Variants in NUP214 observed in about 807,000 individuals in gnomAD.
NUP214 encodes the protein nucleoporin 214.
In NUP214, 79 loss-of-function variants were observed where a neutral mutation model predicts 196.2. That is an observed-to-expected ratio of 0.40 (90% CI 0.34 to 0.49). The LOEUF is 0.49. Among genes scored for constraint, NUP214 ranks in the 20% least tolerant of loss-of-function variants. NUP214 has a pLI of 0.58. For synonymous variants in NUP214, 1,020 were observed against 990.5 expected (o/e 1.03, Z -0.56); for missense variants, 2,468 against 2,539.0 (o/e 0.97, Z 0.60).
In NUP214 at chr9:131,174,201, C is replaced by A; in HGVS notation, c.3040C>A (p.Arg1014=). 18 of 1,613,946 alleles carry A rather than the reference C, an allele frequency of 1.1e-5. No homozygotes were observed. Among genetic ancestry groups the A allele is most frequent in the Admixed American group, 1.7e-5 (1 of 59,946 alleles). Residue 1014 remains arginine, a synonymous_variant, in exon 22 of 36, where the codon CGG becomes AGG. Coordinates refer to ENST00000359428, the MANE Select transcript of NUP214 (RefSeq NM_005085.4). ...TGACGAGGCAGTGGTTCAGGCCCCT[C>A]GGCACGCCCCCGTGGTTCGCACTCC... ...KDDEAVVQAP[R]HAPVVRTPSI... is the part of the protein sequence containing the mutation.
intron 10 of NUP214, 108 bp downstream of exon 10, chr9:131,139,515 G>A (rs1254177846): frequency 4.7e-6 from 7 of 1,488,102 alleles, no homozygotes; most frequent in African/African-American, 4.3e-5. Flanking sequence ...CTGGGCACTT[G>A]TAGCTTCTGG....
chr9:131,142,986 G>A (rs192559928), intron 11 of NUP214, among the ~76,000 whole-genome samples: 8 of 152,084 alleles, frequency 5.3e-5, no homozygotes, highest in African/African-American at 1.9e-4. Flanking sequence ...TTACCTTATG[G>A]AAAGTTTGGA....
Position 131,232,914 on chromosome 9 carries a change from G to A in NUP214, c.6240-540G>A. On this transcript the variant is annotated intron_variant, in intron 35 of 35. Transcript: ENST00000359428. This position sits in a 1 kb window ranked among gnomAD's most constrained non-coding sequence, Gnocchi z 5.1. ...GGTCCCAGCTACTCCAGAAGCTGAG[G>A]CGGGAGGATCACTTGAGCCTGGGAG... is the stretch of plus-strand genomic sequence containing the variant. The A allele has an allele frequency of 6.4e-6, 1 of 156,502 alleles. No individual in the cohort carries two copies. The highest frequency in any genetic ancestry group is 1.4e-5 in the Non-Finnish European group (1 of 70,808). 9.7% of individuals were successfully genotyped at this position (156,502 alleles called of 1,614,324 possible). A position where few individuals can be genotyped will look rare whatever the true frequency, so the allele number is the denominator to read the frequency against.
In NUP214 at chr9:131,222,854, A is replaced by T. The variant is rs1032044663; in HGVS notation, c.5826A>T (p.Lys1942Asn). Residue 1942 changes from lysine (K) to asparagine (N), a missense_variant, in exon 32 of 36, where the codon AAA becomes AAT. Lys to Asn is a moderately conservative substitution (Grantham distance 94). Around this residue, in one of 5 missense-constraint regions of NUP214, gnomAD observed 262 missense variants for 296.5 expected, o/e 0.88. Transcript: ENST00000359428. ...CCAGCTCGTCGTTTGGAGAGCAGAA[A>T]CCCACTGGCACTTTCAGCTCTGGAG... ...GFASSSFGEQ[K>N]PTGTFSSGGG... is the part of the protein sequence containing the mutation. 12 of 1,614,150 alleles carry T rather than the reference A, an allele frequency of 7.4e-6. No individual in the cohort carries two copies. Among genetic ancestry groups the T allele is most frequent in the African/African-American group, 1.3e-5 (1 of 75,028 alleles).
rs1833047832 is a variant in NUP214 at position 131,174,438 on chromosome 9, TTTTTTTTTC to T, written c.3157+128_3157+136del. On this transcript the variant is annotated intron_variant, in intron 22 of 35. Coordinates refer to ENST00000359428, the MANE Select transcript of NUP214 (RefSeq NM_005085.4). ...GGTGGTTGGCTCCAGCCCACTTTTT[TTTTTTTTTC>T]TTTTTTTCTTTTTTTTTTTGAGGTG... 1.3e-4 allele frequency: 71 copies of T among 539,362 alleles called. 1 individual carries two copies. Among genetic ancestry groups the T allele is most frequent in the Admixed American group, 3.3e-4 (3 of 9,034 alleles). 33.4% of individuals were successfully genotyped at this position (539,362 alleles called of 1,614,324 possible). A position where few individuals can be genotyped will look rare whatever the true frequency, so the allele number is the denominator to read the frequency against.
chr9:131,150,076 A>T (rs1236756342), intron 14 of NUP214: 1 of 367,644 alleles, frequency 2.7e-6, no homozygotes, highest in Non-Finnish European at 5.0e-6. Flanking sequence ...TTTATATTTT[A>T]TTATTCAACA....
In NUP214 at chr9:131,197,675, C is replaced by T. The variant is rs992621503; in HGVS notation, c.4181C>T (p.Thr1394Ile). 19 of 1,614,214 alleles carry T rather than the reference C, an allele frequency of 1.2e-5. No individual in the cohort carries two copies. The highest frequency in any genetic ancestry group is 1.6e-5 in the Non-Finnish European group (19 of 1,180,018). Reference sequence around the variant, plus strand: ...CCCCCTGTGACATCCTCTGCAACCACCACCTCAGTAGCACCACCAGCAGCC... The same window carrying T: ...CCCCCTGTGACATCCTCTGCAACCATCACCTCAGTAGCACCACCAGCAGCC... ...TEPPVTSSAT[T>I]TSVAPPAATS... Residue 1394 changes from threonine to isoleucine, a missense_variant, in exon 29 of 36, where the codon ACC becomes ATC. Around this residue, in one of 5 missense-constraint regions of NUP214, gnomAD observed 1,801 missense variants for 1,779.4 expected, o/e 1.01. Transcript: ENST00000359428.
chr9:131,222,174 A>G (rs1042675401), intron 31 of NUP214, among the ~76,000 whole-genome samples: 7 of 152,168 alleles, frequency 4.6e-5, no homozygotes, highest in African/African-American at 1.4e-4. Flanking sequence ...GACCATCCCT[A>G]TATCCCCTTG....
rs1291228264 is a variant in NUP214, at chr9:131,162,878, TTC to T, written c.2541-110_2541-109del. 22 of 958,500 alleles carry T rather than the reference TTC, an allele frequency of 2.3e-5. No homozygotes were observed. In the South Asian group the frequency reaches 3.0e-4, roughly 13 times the overall value. 59.4% of individuals were successfully genotyped at this position (958,500 alleles called of 1,614,324 possible). Reference sequence around the variant, plus strand: ...CTTAATGGTTCTTGTCCAGTGCTGGTTCTCCATTTTATCATTTTCACTGTTAC... The same window carrying T: ...CTTAATGGTTCTTGTCCAGTGCTGGTTCCATTTTATCATTTTCACTGTTAC... On this transcript the variant is annotated intron_variant, in intron 18 of 35. Transcript: ENST00000359428.
intron 21 of NUP214, chr9:131,164,364 G>A (rs1205540764): frequency 1.8e-6 from 1 of 550,754 alleles, no homozygotes; most frequent in Non-Finnish European, 3.2e-6. Flanking sequence ...TATACTTGAT[G>A]AAGCAGCAAA....
rs1405789752 is a variant in NUP214 at position 131,198,095 on chromosome 9, C to G, written c.4601C>G (p.Ser1534Cys). 6.2e-7 allele frequency: 1 copy of G among 1,614,214 alleles called. No individual in the cohort carries two copies. ...CTTCCCCAGGCTCCTCCGCAAACTT[C>G]TGACTCTGTTAAAAAAGAACCTGTT... is the stretch of plus-strand genomic sequence containing the variant. The part of the protein sequence containing the change: ...AQLPQAPPQT[S>C]DSVKKEPVLA... The change falls in exon 29 of 36, where the codon TCT (serine) becomes TGT (cysteine). Residue 1534 changes from serine (S) to cysteine (C), a missense_variant. By Grantham distance (112) the Ser-to-Cys change is moderately radical (BLOSUM62 -1). This residue lies in a region of NUP214 where 1,801 missense variants were observed against 1,779.4 expected (regional missense o/e 1.01). Coordinates refer to ENST00000359428, the MANE Select transcript of NUP214 (RefSeq NM_005085.4).
intron 18 of NUP214, among the ~76,000 whole-genome samples, chr9:131,160,061 T>C (rs1228723946): frequency 6.6e-6 from 1 of 152,082 alleles, no homozygotes; most frequent in Non-Finnish European, 1.5e-5. Flanking sequence ...GCTAAATAAA[T>C]ATGGTCGCTT....
Position 131,223,734 on chromosome 9 carries a change from T to A in NUP214, c.5902+804T>A, listed in dbSNP as rs1445553517. On this transcript the variant is annotated intron_variant, in intron 32 of 35. Transcript: ENST00000359428. ...ATTTTTATTTATTTATTTATTTTTT[T>A]TTTTTTTTTTTTTTTTTTGAGACGG... Among the ~76,000 whole-genome samples, 125 of 30,706 alleles carry A rather than the reference T, an allele frequency of 4.1e-3. 2 individuals are homozygous for A. Among genetic ancestry groups the A allele is most frequent in the African/African-American group, 1.0e-2 (110 of 11,030 alleles). 20.1% of individuals were successfully genotyped at this position (30,706 alleles called of 152,430 possible).
In NUP214 at chr9:131,134,912, G is replaced by A. The variant is rs1285798181; in HGVS notation, c.846G>A (p.Lys282=). 1.2e-6 allele frequency: 2 copies of A among 1,613,194 alleles called. No individual in the cohort carries two copies. Among genetic ancestry groups the A allele is most frequent in the Admixed American group, 3.3e-5 (2 of 59,974 alleles). Residue 282 remains lysine, a synonymous_variant, in exon 8 of 36, where the codon AAG becomes AAA. Coordinates refer to ENST00000359428, the MANE Select transcript of NUP214 (RefSeq NM_005085.4). ...GTTCATTGTAGAAAAAAGAAGAAAA[G>A]CACCCAGAGATATTTGTGAACTTTA... ...VMALLPKKEE[K]HPEIFVNFME... is the part of the protein sequence containing the mutation.
chr9:131,230,599 T>G, intron 33 of NUP214, 31 bp from the exon 34 acceptor site: 1 of 1,612,788 alleles, frequency 6.2e-7, no homozygotes, highest in Non-Finnish European at 8.5e-7. Context: ...GAGGCCCCAC[T>G]GACCTCAGTC....
In NUP214 at chr9:131,150,350, A is replaced by C; in HGVS notation, c.2067A>C (p.Ala689=). 1.2e-6 allele frequency: 2 copies of C among 1,614,194 alleles called. No homozygotes were observed. Among genetic ancestry groups the C allele is most frequent in the Non-Finnish European group, 1.7e-6 (2 of 1,180,016 alleles). ...PQAKSLQPAV[A]EKQGHQWKDS... is the part of the protein sequence containing the mutation. The stretch of plus-strand genomic sequence containing the variant: ...CAAAGTCACTTCAGCCTGCTGTTGC[A>C]GAAAAGCAGGGACATCAGTGGAAAG... The change falls in exon 15 of 36, where the codon GCA becomes GCC. Residue 689 remains alanine (A), a synonymous_variant. Transcript: ENST00000359428.
intron 1 of NUP214, chr9:131,126,447 A>G (rs1180185119): frequency 6.6e-6 from 1 of 152,252 alleles, no homozygotes; most frequent in African/African-American, 2.4e-5. Context: ...ATCTGTTTTA[A>G]ATAGTGAAAA....
chr9:131,212,663 C>G (rs934930655), intron 30 of NUP214, among the ~76,000 whole-genome samples: 4 of 152,160 alleles, frequency 2.6e-5, no homozygotes, highest in African/African-American at 7.2e-5. Flanking sequence ...TGAGGAGAGT[C>G]AAGTTAATTG....
At position 131,181,738 on chromosome 9, in the gene NUP214, G is replaced by A. The variant is rs956907017; in HGVS notation, c.3419+3328G>A. Among the ~76,000 whole-genome samples, 4 of 152,178 alleles carry A rather than the reference G, an allele frequency of 2.6e-5. No individual in the cohort carries two copies. In the East Asian group the frequency reaches 7.7e-4, roughly 29 times the overall value. On this transcript the variant is annotated intron_variant, in intron 24 of 35. Transcript: ENST00000359428. ...AATCTGTATTCAAGTCTCTCATCAA[G>A]CATATGATTTGCAAATATTTTCTCC...
Sources: allele counts gnomAD v4.1 joint callset (sites outside exome capture counted in the v4.1 genomes callset), GRCh38; gene constraint gnomAD v4.1.1; regional missense constraint gnomAD v4.1.1; non-coding constraint Gnocchi (gnomAD v3.1); transcripts MANE v1.5; gene names NCBI Gene and HGNC (gene_info 2026-07-23, HGNC 2026-07-21).